The following CAMK4 variants were observed in gnomAD, a reference collection of about 807,000 sequenced individuals.
The protein encoded by CAMK4 is calcium/calmodulin-dependent protein kinase type IV.
Under a neutral mutation model 44.9 loss-of-function variants are expected in CAMK4, and 22 were observed. The ratio of observed to expected loss-of-function variants is 0.49; its 90% confidence interval spans 0.35 to 0.70. The LOEUF (loss-of-function observed/expected upper bound fraction) is 0.70, where lower values mean the gene tolerates loss of function less well. CAMK4 is among the 30% of genes least tolerant of loss of function. CAMK4 has a pLI of 0.01. For synonymous variants in CAMK4, 218 were observed against 215.4 expected (o/e 1.01, Z -0.11); for missense variants, 498 against 586.8 (o/e 0.85, Z 1.56).
At chr5:111,392,486 C>T (rs1343460702) in intron 4 of CAMK4, among the ~76,000 whole-genome samples, 1 of 151,970 alleles carries the variant, frequency 6.6e-6, no homozygotes, top group Non-Finnish European at 1.5e-5. Context: ...CAAACCATAT[C>T]AGCTGGTTAA....
chr5:111,457,634 A>G (rs1754465166), intron 7 of CAMK4, among the ~76,000 whole-genome samples: 1 of 152,244 alleles, frequency 6.6e-6, no homozygotes, highest in Admixed American at 6.5e-5. Context: ...CAAAACAGAA[A>G]GTTGGGTTAG....
At chr5:111,298,296 A>G (rs1055564839) in intron 1 of CAMK4, among the ~76,000 whole-genome samples, 1 of 152,248 alleles carries the variant, frequency 6.6e-6, no homozygotes, top group Admixed American at 6.5e-5. Context: ...AATAAAAACA[A>G]TATGCTTTTC....
At chr5:111,321,629 C>G (rs1425476145) in intron 1 of CAMK4, among the ~76,000 whole-genome samples, 1 of 151,830 alleles carries the variant, frequency 6.6e-6, no homozygotes, top group African/African-American at 2.4e-5. Flanking sequence ...GGTGTAGTCT[C>G]AAGGCCTGTG....
At chr5:111,373,850 A>T (rs927381516) in intron 2 of CAMK4, among the ~76,000 whole-genome samples, 11 of 152,148 alleles carry the variant, frequency 7.2e-5, no homozygotes, top group Non-Finnish European at 1.3e-4. Flanking sequence ...GATTGTTTTG[A>T]TAAATTTTGT....
intron 2 of CAMK4, among the ~76,000 whole-genome samples, chr5:111,349,442 A>T (rs1456611600): frequency 1.3e-5 from 2 of 152,126 alleles, no homozygotes; most frequent in Middle Eastern, 3.4e-3. Flanking sequence ...TTTGACAGAC[A>T]TGGCTAGTGG....
chr5:111,262,793 C>A (rs978933980), intron 1 of CAMK4, among the ~76,000 whole-genome samples: 5 of 152,166 alleles, frequency 3.3e-5, no homozygotes, highest in African/African-American at 9.7e-5. Context: ...CTCCCAGGTT[C>A]TGTCCTTTTG....
chr5:111,460,892 A>G (rs941015922), intron 7 of CAMK4, among the ~76,000 whole-genome samples: 1 of 152,198 alleles, frequency 6.6e-6, no homozygotes, highest in Non-Finnish European at 1.5e-5. Context: ...ATTCTCAAAT[A>G]TTTGATTTTC....
chr5:111,336,268 G>A (rs73232046), intron 1 of CAMK4, among the ~76,000 whole-genome samples: 1,918 of 151,118 alleles, frequency 0.013, 45 homozygotes, highest in African/African-American at 0.043. Flanking sequence ...TTGAATCTCA[G>A]GCAATTTTGT....
At chr5:111,336,479 T>G (rs1008633075) in intron 1 of CAMK4, among the ~76,000 whole-genome samples, 3 of 111,654 alleles carry the variant, frequency 2.7e-5, no homozygotes, top group African/African-American at 1.2e-4. Flanking sequence ...ATAATATAGG[T>G]TATTTTTTTG....
At chr5:111,279,861 C>A (rs1750934618) in intron 1 of CAMK4, among the ~76,000 whole-genome samples, 1 of 152,140 alleles carries the variant, frequency 6.6e-6, no homozygotes, top group Admixed American at 6.5e-5. Flanking sequence ...TTAGGCAATC[C>A]ACAAATGCTG....
intron 5 of CAMK4, among the ~76,000 whole-genome samples, chr5:111,426,783 C>T (rs1460909778): frequency 6.6e-6 from 1 of 152,226 alleles, no homozygotes; most frequent in Non-Finnish European, 1.5e-5. Flanking sequence ...CAGCTGATGC[C>T]TGCCCACAGA....
chr5:111,381,502 G>A (rs1178430570), intron 4 of CAMK4, among the ~76,000 whole-genome samples: 2 of 152,144 alleles, frequency 1.3e-5, no homozygotes, highest in Non-Finnish European at 2.9e-5. Context: ...GAGAAAGATG[G>A]AGACCAGAAG....
In CAMK4 at chr5:111,473,354, C is replaced by T. The variant is rs1474904409; in HGVS notation, c.669C>T (p.Asp223=). Residue 223 remains aspartate (D), a synonymous_variant, in exon 8 of 11, where the codon GAC becomes GAT. Coordinates refer to ENST00000282356, the MANE Select transcript of CAMK4 (RefSeq NM_001744.6). ...GTTGTGCCTATGGACCTGAGGTGGA[C>T]ATGTGGTCTGTAGGAATAATCACCT... ...LRGCAYGPEV[D]MWSVGIITYI... 4 of 1,612,110 alleles carry T rather than the reference C, an allele frequency of 2.5e-6. No homozygotes were observed. The African/African-American group carries it at 4.0e-5, about 16-fold the overall frequency.
chr5:111,282,065 A>G (rs979756318), intron 1 of CAMK4, among the ~76,000 whole-genome samples: 3 of 152,160 alleles, frequency 2.0e-5, no homozygotes, highest in Admixed American at 1.3e-4. Context: ...TCAAAAAAAA[A>G]AAAAAGAAAT....
chr5:111,480,026 C>T (rs976437032), intron 9 of CAMK4, among the ~76,000 whole-genome samples: 1 of 151,822 alleles, frequency 6.6e-6, no homozygotes, highest in African/African-American at 2.4e-5. Flanking sequence ...GGATAAAATC[C>T]AAAACCCATA....
intron 8 of CAMK4, among the ~76,000 whole-genome samples, chr5:111,474,870 A>C (rs1755181940): frequency 6.6e-6 from 1 of 152,230 alleles, no homozygotes; most frequent in Admixed American, 6.5e-5. Context: ...TCTTTAGAAA[A>C]GCTTGAGAGG....
intron 2 of CAMK4, among the ~76,000 whole-genome samples, chr5:111,346,482 T>TTATCTGTCTGTCTATC (rs148693533): frequency 6.7e-6 from 1 of 149,918 alleles, no homozygotes; most frequent in Non-Finnish European, 1.5e-5. Flanking sequence ...GCTTGAAACT[T>TTATCTGTCTGTCTATC]TATCTATCTA....
rs115761023 is a variant in CAMK4, at chr5:111,376,436, C to T, written c.304-424C>T. On this transcript the variant is annotated intron_variant, in intron 3 of 10. Transcript: ENST00000282356. ...CGACTTTAAGCTGGTCCTACCCTGCCGCAGACCCCTAATTTTAAGTTTTGT... is the reference window on the plus strand; with the variant it reads ...CGACTTTAAGCTGGTCCTACCCTGCTGCAGACCCCTAATTTTAAGTTTTGT... Among the ~76,000 whole-genome samples the T allele has an allele frequency of 1.8e-3, 276 of 152,000 alleles. 2 individuals are homozygous for T. The highest frequency in any genetic ancestry group is 6.1e-3 in the African/African-American group (252 of 41,476).
At chr5:111,395,161 G>C (rs1386928846) in intron 5 of CAMK4, among the ~76,000 whole-genome samples, 2 of 139,926 alleles carry the variant, frequency 1.4e-5, no homozygotes, top group Admixed American at 8.0e-5. Flanking sequence ...AGTGAGCCAA[G>C]GTCACGCCAC....
Sources: allele counts gnomAD v4.1 joint callset (sites outside exome capture counted in the v4.1 genomes callset), GRCh38; gene constraint gnomAD v4.1.1; transcripts MANE v1.5; gene names NCBI Gene and HGNC (gene_info 2026-07-23, HGNC 2026-07-21).